The following SHANK2 variants were observed in gnomAD, a reference collection of about 807,000 sequenced individuals.
The protein encoded by SHANK2 is SH3 and multiple ankyrin repeat domains protein 2.
Under a neutral mutation model 133.7 loss-of-function variants are expected in SHANK2, and 43 were observed. The ratio of observed to expected loss-of-function variants is 0.32; its 90% CI spans 0.25 to 0.41. The LOEUF (loss-of-function observed/expected upper bound fraction) is 0.41, where lower values mean the gene tolerates loss of function less well. Among genes scored for constraint, SHANK2 ranks in the 10% least tolerant of loss-of-function variants. SHANK2 has a pLI of 1.00. For missense variants in SHANK2, 1,994 were observed against 2,235.8 expected (o/e 0.89, Z 2.18); for synonymous variants, 1,017 against 952.8 (o/e 1.07, Z -1.24).
chr11:70,840,565 G>A (rs550088386), intron 11 of SHANK2, among the ~76,000 whole-genome samples: 54 of 152,324 alleles, frequency 3.5e-4, no homozygotes, highest in Non-Finnish European at 6.8e-4. Context: ...GACACAAAAG[G>A]TGGAGACCTG....
At chr11:70,623,725 C>A (rs962996580) in intron 17 of SHANK2, among the ~76,000 whole-genome samples, 1 of 152,234 alleles carries the variant, frequency 6.6e-6, no homozygotes, top group East Asian at 1.9e-4. Flanking sequence ...GCTCCTCAGC[C>A]ACACTGGCTG....
chr11:70,502,747 C>A (rs782423229), intron 18 of SHANK2, 49 bp downstream of exon 18: 8 of 907,664 alleles, frequency 8.8e-6, no homozygotes, highest in African/African-American at 5.2e-5. Context: ...CCCCACCCCC[C>A]CCCCCCAGTA....
intron 15 of SHANK2, among the ~76,000 whole-genome samples, chr11:70,679,914 T>C (rs1555018019): frequency 6.6e-6 from 1 of 152,184 alleles, no homozygotes; most frequent in Non-Finnish European, 1.5e-5. Flanking sequence ...CTGTGGCCTT[T>C]GGGGCTGCAC....
At chr11:70,711,380 C>G (rs1283686109) in intron 14 of SHANK2, among the ~76,000 whole-genome samples, 1 of 152,218 alleles carries the variant, frequency 6.6e-6, no homozygotes, top group South Asian at 2.1e-4. Context: ...AATCAGACGC[C>G]GCTCAGGCTG....
chr11:71,103,898 C>T lies in SHANK2; in HGVS notation c.592+6043G>A, dbSNP rs569637038. Among the ~76,000 whole-genome samples, 7 of 132,316 alleles carry T rather than the reference C, an allele frequency of 5.3e-5. No homozygotes were observed. In the East Asian group the frequency reaches 1.6e-3, roughly 30 times the overall value. The allele number at this position is 132,316 out of a possible 152,430, so 86.8% of individuals were successfully genotyped here. A position where few individuals can be genotyped will look rare whatever the true frequency, so the allele number is the denominator to read the frequency against. On this transcript the variant is annotated intron_variant, in intron 6 of 25. Coordinates refer to ENST00000601538, the MANE Select transcript of SHANK2 (RefSeq NM_012309.5). ...CCCCTCTTTCTCTCTCTCTCTCCTG[C>T]TTTCACCACGGGATGCACCTGCTCC...
At chr11:71,066,091 G>C (rs1382188834) in intron 9 of SHANK2, among the ~76,000 whole-genome samples, 7 of 92,146 alleles carry the variant, frequency 7.6e-5, no homozygotes, top group Non-Finnish European at 9.7e-5. Flanking sequence ...GGAAGTTGGT[G>C]GGGGGGGTGT....
intron 17 of SHANK2, among the ~76,000 whole-genome samples, chr11:70,646,791 A>G (rs1246921188): frequency 1.3e-5 from 2 of 151,864 alleles, no homozygotes; most frequent in Non-Finnish European, 2.9e-5. Flanking sequence ...CTTTAATAGT[A>G]CTTCTCCAGT....
At chr11:71,126,216 C>CA (rs1170621448) in intron 3 of SHANK2, among the ~76,000 whole-genome samples, 20,954 of 63,752 alleles carry the variant, frequency 0.33, 5,067 homozygotes, top group Middle Eastern at 0.44. Flanking sequence ...GACTCCGTCT[C>CA]AAAAAAAAAA....
At chr11:70,896,716 C>A in intron 10 of SHANK2, 149 bp from the exon 11 acceptor site, 1 of 598,806 alleles carries the variant, frequency 1.7e-6, no homozygotes, top group Non-Finnish European at 3.0e-6. Context: ...CATCCACTCA[C>A]CTTGCCAACC....
chr11:71,160,361 G>A (rs781944980), intron 2 of SHANK2, among the ~76,000 whole-genome samples: 4 of 152,188 alleles, frequency 2.6e-5, no homozygotes, highest in Non-Finnish European at 5.9e-5. Flanking sequence ...ATGGTATTTG[G>A]AGGTAGGACC....
At chr11:71,082,481 C>T (rs1951313760) in intron 8 of SHANK2, among the ~76,000 whole-genome samples, 1 of 152,228 alleles carries the variant, frequency 6.6e-6, no homozygotes, top group Non-Finnish European at 1.5e-5. Context: ...GGCTCCATCC[C>T]ATTCTAAATG....
intron 17 of SHANK2, among the ~76,000 whole-genome samples, chr11:70,650,309 C>A (rs1333736822): frequency 1.3e-5 from 2 of 152,210 alleles, no homozygotes; most frequent in Non-Finnish European, 2.9e-5. Flanking sequence ...AAGTAATGAG[C>A]CTCTATGCCC....
At chr11:71,112,032 C>T (rs1416919275) in intron 5 of SHANK2, among the ~76,000 whole-genome samples, 3 of 152,136 alleles carry the variant, frequency 2.0e-5, no homozygotes, top group South Asian at 2.1e-4. Flanking sequence ...GGGCAACTGC[C>T]GCCCACATCT....
intron 11 of SHANK2, among the ~76,000 whole-genome samples, chr11:70,888,527 G>C (rs957857462): frequency 2.6e-5 from 4 of 152,168 alleles, no homozygotes; most frequent in African/African-American, 7.2e-5. Context: ...CAAGAACAGA[G>C]AGTAGGGCCG....
intron 4 of SHANK2, among the ~76,000 whole-genome samples, chr11:71,117,761 G>A (rs559126289): frequency 3.3e-5 from 5 of 152,310 alleles, no homozygotes; most frequent in African/African-American, 4.8e-5. Context: ...CCCTCCCGAC[G>A]TCGCCTAGTG....
At chr11:70,819,866 T>G (rs1417285476) in intron 12 of SHANK2, among the ~76,000 whole-genome samples, 8 of 152,134 alleles carry the variant, frequency 5.3e-5, no homozygotes, top group African/African-American at 1.7e-4. Context: ...AGCCGGCCTC[T>G]CCGGCCCCCA....
Position 70,700,775 on chromosome 11 carries a change from G to A in SHANK2, c.1778-2012C>T, listed in dbSNP as rs533670189. ...GGCCTCAGGATCCCGGGGATGGGGC[G>A]AAGGAGGAGCCCCAGGGTACTGAGC... On this transcript the variant is annotated intron_variant, in intron 14 of 25. Transcript: ENST00000601538. Among the ~76,000 whole-genome samples the A allele has an allele frequency of 6.6e-5, 10 of 152,340 alleles. No individual in the cohort carries two copies. In the East Asian group the frequency reaches 1.4e-3, roughly 21 times the overall value.
rs782564387 is a variant in SHANK2 at position 70,486,261 on chromosome 11, C to G, written c.4032G>C (p.Ser1344=). 3 of 1,613,852 alleles carry G rather than the reference C, an allele frequency of 1.9e-6. No homozygotes were observed. Among genetic ancestry groups the G allele is most frequent in the Non-Finnish European group, 2.5e-6 (3 of 1,180,038 alleles). ...KAEVEMKPDS[S]PSEVPEGVSE... is the part of the protein sequence containing the mutation. The stretch of plus-strand genomic sequence containing the variant: ...AAACACCTTCTGGCACCTCGGACGG[C>G]GAGCTGTCTGGCTTCATCTCCACCT... The change falls in exon 25 of 26, where the codon TCG becomes TCC. Residue 1344 remains serine (S), a synonymous_variant. Transcript: ENST00000601538. This position sits in a 1 kb window ranked among gnomAD's most constrained non-coding sequence, Gnocchi z 8.0.
At chr11:70,742,776 C>T (rs893797339) in intron 14 of SHANK2, among the ~76,000 whole-genome samples, 5 of 152,208 alleles carry the variant, frequency 3.3e-5, no homozygotes, top group Non-Finnish European at 7.3e-5. Context: ...GGCAAGGGGG[C>T]GGCCTGGAGC....
Sources: allele counts gnomAD v4.1 joint callset (sites outside exome capture counted in the v4.1 genomes callset), GRCh38; gene constraint gnomAD v4.1.1; non-coding constraint Gnocchi (gnomAD v3.1); transcripts MANE v1.5; gene names NCBI Gene and HGNC (gene_info 2026-07-23, HGNC 2026-07-21).